The following GRM3 variants were observed in gnomAD, a reference collection of about 807,000 sequenced individuals.
GRM3 encodes the protein metabotropic glutamate receptor 3.
A neutral mutation model predicts 70.5 loss-of-function variants in GRM3; 26 were observed. That is an observed-to-expected ratio of 0.37 (90% confidence interval 0.27 to 0.51). GRM3 has a LOEUF of 0.51. Among genes scored for constraint, GRM3 ranks in the 20% least tolerant of loss-of-function variants. The pLI, the probability that GRM3 is intolerant of heterozygous loss-of-function variation, is 0.93. For synonymous variants in GRM3, 443 were observed against 434.9 expected (o/e 1.02, Z -0.23); for missense variants, 859 against 1,123.8 (o/e 0.76, Z 3.37).
chr7:86,798,755 G>A (rs1797614530), intron 3 of GRM3, among the ~76,000 whole-genome samples: 2 of 152,202 alleles, frequency 1.3e-5, no homozygotes, highest in Admixed American at 1.3e-4. Context: ...TGGTTTGGCT[G>A]TGTTCTCACC....
chr7:86,783,136 C>T (rs1797120378), intron 2 of GRM3, among the ~76,000 whole-genome samples: 1 of 152,180 alleles, frequency 6.6e-6, no homozygotes, highest in Non-Finnish European at 1.5e-5. Flanking sequence ...CAGTTAACAA[C>T]TACCTGGATA....
chr7:86,861,400 G>A (rs1054128401), intron 5 of GRM3, among the ~76,000 whole-genome samples: 1 of 152,176 alleles, frequency 6.6e-6, no homozygotes, highest in Non-Finnish European at 1.5e-5. Context: ...ATATTTTCTA[G>A]TCAAGGGTAT....
At position 86,785,685 on chromosome 7, in the gene GRM3, A is replaced by ATTTTTTTTTTTTTTTTTT. The variant is rs749456155; in HGVS notation, c.469-560_469-543dup. 2.8e-4 allele frequency among the ~76,000 whole-genome samples: 18 copies of ATTTTTTTTTTTTTTTTTT among 65,226 alleles called. 1 individual carries two copies. The highest frequency in any genetic ancestry group is 6.5e-4 in the East Asian group (1 of 1,532). The allele number at this position is 65,226 out of a possible 152,430, so 42.8% of individuals were successfully genotyped here. A position where few individuals can be genotyped will look rare whatever the true frequency, so the allele number is the denominator to read the frequency against. ...TTGGGTGGTGGACTAAATAGAATTG[A>ATTTTTTTTTTTTTTTTTT]TTTTTTTTTTTTTTTTTTTTTTTTT... On this transcript the variant is annotated intron_variant, in intron 2 of 5. Coordinates refer to ENST00000361669, the MANE Select transcript of GRM3 (RefSeq NM_000840.3).
intron 1 of GRM3, among the ~76,000 whole-genome samples, chr7:86,659,324 T>C (rs1254032429): frequency 4.6e-5 from 7 of 152,206 alleles, no homozygotes; most frequent in African/African-American, 1.7e-4. Flanking sequence ...TGTTTACATA[T>C]GCCAGGCACC....
At chr7:86,685,753 A>C (rs1167483920) in intron 1 of GRM3, among the ~76,000 whole-genome samples, 2 of 152,024 alleles carry the variant, frequency 1.3e-5, no homozygotes, top group Non-Finnish European at 2.9e-5. Flanking sequence ...AAAAATACAA[A>C]AAATTAGCCG....
At chr7:86,815,151 A>T (rs1797990019) in intron 3 of GRM3, among the ~76,000 whole-genome samples, 1 of 151,482 alleles carries the variant, frequency 6.6e-6, no homozygotes, top group Non-Finnish European at 1.5e-5. Context: ...TCTTAGGGGG[A>T]AAAGGAGGGG....
intron 3 of GRM3, among the ~76,000 whole-genome samples, chr7:86,799,612 C>T (rs536975780): frequency 1.1e-4 from 17 of 152,162 alleles, no homozygotes; most frequent in African/African-American, 2.9e-4. Flanking sequence ...CTGCAAGCTC[C>T]GCCTCCTGGG....
intron 1 of GRM3, among the ~76,000 whole-genome samples, chr7:86,729,316 G>A (rs548512950): frequency 7.4e-4 from 112 of 152,278 alleles, no homozygotes; most frequent in East Asian, 1.2e-3. Flanking sequence ...AGGATAAAGC[G>A]AGTTAATATA....
chr7:86,736,204 G>C (rs570649878), intron 1 of GRM3, among the ~76,000 whole-genome samples: 2 of 152,136 alleles, frequency 1.3e-5, no homozygotes, highest in Non-Finnish European at 2.9e-5. Flanking sequence ...GTTGGGGAAG[G>C]TGTTGTCAAG....
At chr7:86,778,699 C>A (rs1209623881) in intron 2 of GRM3, among the ~76,000 whole-genome samples, 1 of 151,964 alleles carries the variant, frequency 6.6e-6, no homozygotes, top group East Asian at 1.9e-4. Flanking sequence ...ATAAGCAATG[C>A]ACAACATGTG....
At chr7:86,826,638 A>G (rs1798240091) in intron 3 of GRM3, among the ~76,000 whole-genome samples, 1 of 152,240 alleles carries the variant, frequency 6.6e-6, no homozygotes, top group Non-Finnish European at 1.5e-5. Flanking sequence ...ACCATAAGGA[A>G]TTTATCAGGC....
intron 4 of GRM3, among the ~76,000 whole-genome samples, chr7:86,841,405 GA>G (rs1357981179): frequency 6.6e-6 from 1 of 152,192 alleles, no homozygotes; most frequent in African/African-American, 2.4e-5. Flanking sequence ...CAAAGTCAAA[GA>G]GTGGAGTATA....
intron 1 of GRM3, among the ~76,000 whole-genome samples, chr7:86,680,156 A>G (rs937602810): frequency 6.6e-6 from 1 of 152,168 alleles, no homozygotes; most frequent in African/African-American, 2.4e-5. Context: ...GAGGTTCTAG[A>G]AATGAGCAAT....
At chr7:86,703,226 A>G (rs990436882) in intron 1 of GRM3, among the ~76,000 whole-genome samples, 1 of 151,960 alleles carries the variant, frequency 6.6e-6, no homozygotes, top group Non-Finnish European at 1.5e-5. Context: ...TCAAAGCACA[A>G]ATCCTAGAGA....
chr7:86,757,493 G>A (rs1227542774), intron 1 of GRM3, among the ~76,000 whole-genome samples: 1 of 152,114 alleles, frequency 6.6e-6, no homozygotes, highest in African/African-American at 2.4e-5. Context: ...AGCACAAAGT[G>A]CCTAGTTTGA....
intron 1 of GRM3, among the ~76,000 whole-genome samples, chr7:86,739,468 T>G (rs928638307): frequency 3.3e-5 from 5 of 152,202 alleles, no homozygotes; most frequent in African/African-American, 4.8e-5. Flanking sequence ...CTGATTGATA[T>G]ATAAAAACTT....
rs903673737 is a variant in GRM3 at position 86,864,660 on chromosome 7, A to C, written c.*305A>C. On this transcript the variant is annotated 3_prime_UTR_variant, in exon 6 of 6. Transcript: ENST00000361669. The stretch of plus-strand genomic sequence containing the variant: ...AAACAAAAAAAAAAAACAAAAAAAA[A>C]AAAACAAAAGAAAAAAATAAAAATA... 1.4e-4 allele frequency: 33 copies of C among 235,926 alleles called. No individual in the cohort carries two copies. The highest frequency in any genetic ancestry group is 7.0e-4 in the African/African-American group (31 of 44,400). 14.6% of individuals were successfully genotyped at this position (235,926 alleles called of 1,614,324 possible).
chr7:86,737,138 C>G (rs571938390), intron 1 of GRM3, among the ~76,000 whole-genome samples: 34 of 152,180 alleles, frequency 2.2e-4, no homozygotes, highest in Admixed American at 6.5e-4. Context: ...CAGAAATAAG[C>G]AAAACCTTGA....
intron 1 of GRM3, among the ~76,000 whole-genome samples, chr7:86,732,938 A>C (rs1438150713): frequency 6.6e-6 from 1 of 152,186 alleles, no homozygotes; most frequent in Non-Finnish European, 1.5e-5. Context: ...CAGGAAAGTA[A>C]AATTCTAAAC....
Sources: allele counts gnomAD v4.1 joint callset (sites outside exome capture counted in the v4.1 genomes callset), GRCh38; gene constraint gnomAD v4.1.1; transcripts MANE v1.5; gene names NCBI Gene and HGNC (gene_info 2026-07-23, HGNC 2026-07-21).